CCDC7: variants seen among roughly 807,000 people sequenced by gnomAD.
CCDC7 encodes the protein coiled-coil domain-containing protein 7.
In CCDC7, 183 loss-of-function variants were observed where a neutral mutation model predicts 196.9. The ratio of observed to expected loss-of-function variants is 0.93; its 90% CI spans 0.82 to 1.05. CCDC7 has a LOEUF of 1.05. Ranked by LOEUF, CCDC7 falls within the 50% of genes least tolerant of loss-of-function variation. The probability of loss-of-function intolerance (pLI) is 0.00; values close to 1 mark genes in which losing one functional copy is unlikely to be tolerated. For synonymous variants in CCDC7, 525 were observed against 484.6 expected (o/e 1.08, Z -1.10); for missense variants, 1,540 against 1,482.2 (o/e 1.04, Z -0.64).
At chr10:32,635,062 C>T in exon 20 of CCDC7, 1 of 398,720 alleles carries the variant, frequency 2.5e-6, no homozygotes. Flanking sequence ...TTCAGAGACT[C>T]TTACAACCCC....
chr10:32,509,036 G>C (rs1386989558), intron 9 of CCDC7, among the ~76,000 whole-genome samples: 2 of 150,434 alleles, frequency 1.3e-5, no homozygotes, highest in East Asian at 3.9e-4. Context: ...CTGGGTTTGA[G>C]TGATTCTCCT....
intron 33 of CCDC7, among the ~76,000 whole-genome samples, chr10:32,842,509 T>A (rs527408637): frequency 6.6e-6 from 1 of 152,192 alleles, no homozygotes; most frequent in Non-Finnish European, 1.5e-5. Flanking sequence ...TGTAAACTAG[T>A]ACAACCACTG....
At chr10:32,563,985 G>T (rs1238234421) in intron 13 of CCDC7, among the ~76,000 whole-genome samples, 11 of 152,246 alleles carry the variant, frequency 7.2e-5, no homozygotes, top group Non-Finnish European at 1.2e-4. Context: ...CAAAAAGTGG[G>T]CCAAGGACAT....
intron 28 of CCDC7, among the ~76,000 whole-genome samples, chr10:32,762,137 A>G (rs1001395829): frequency 6.6e-6 from 1 of 151,976 alleles, no homozygotes; most frequent in South Asian, 2.1e-4. Context: ...CCTGAGGAAT[A>G]AAGGGTTTGG....
chr10:32,562,995 C>G (rs1444437328), intron 13 of CCDC7, among the ~76,000 whole-genome samples: 1 of 152,158 alleles, frequency 6.6e-6, no homozygotes, highest in Non-Finnish European at 1.5e-5. Flanking sequence ...CACAGGCATT[C>G]TTATACACCA....
intron 16 of CCDC7, among the ~76,000 whole-genome samples, chr10:32,573,038 C>T (rs537835327): frequency 4.6e-5 from 7 of 152,056 alleles, no homozygotes; most frequent in South Asian, 4.2e-4. Context: ...CCACCATGCC[C>T]GGCTAATTTT....
intron 25 of CCDC7, among the ~76,000 whole-genome samples, chr10:32,718,626 A>G (rs1361154435): frequency 6.6e-6 from 1 of 152,184 alleles, no homozygotes; most frequent in Non-Finnish European, 1.5e-5. Flanking sequence ...AGAAAACCCC[A>G]TTGTCTCAGC....
intron 41 of CCDC7, among the ~76,000 whole-genome samples, chr10:32,864,479 A>G (rs556071231): frequency 4.0e-4 from 61 of 151,718 alleles, no homozygotes; most frequent in African/African-American, 1.5e-3. Context: ...ATCAAATTCC[A>G]AAGTATATTT....
chr10:32,766,185 A>G (rs1325965688), intron 28 of CCDC7, among the ~76,000 whole-genome samples: 5 of 152,040 alleles, frequency 3.3e-5, no homozygotes, highest in African/African-American at 1.2e-4. Context: ...AGTCTAGTGG[A>G]ATGGGACGTG....
rs139339389 is a variant in CCDC7, at chr10:32,452,852, A to T, written c.280-492A>T. ...GAATTGAATTGTAAATGTACCAAAT[A>T]ACAATGAGGAAGAGCACAAATATAA... is the stretch of plus-strand genomic sequence containing the variant. On this transcript the variant is annotated intron_variant, in intron 1 of 41. Coordinates refer to ENST00000639629, the Ensembl canonical transcript of CCDC7. Among the ~76,000 whole-genome samples, 294 of 152,320 alleles carry T rather than the reference A, an allele frequency of 1.9e-3. 3 individuals are homozygous for T. The highest frequency in any genetic ancestry group is 6.8e-3 in the African/African-American group (281 of 41,568).
intron 28 of CCDC7, among the ~76,000 whole-genome samples, chr10:32,738,473 C>CTTTTTTTTTT (rs33944221): frequency 9.1e-5 from 10 of 109,666 alleles, no homozygotes; most frequent in South Asian, 3.2e-4. Flanking sequence ...GTTTCTTTCA[C>CTTTTTTTTTT]TTTTTTTTTT....
chr10:32,802,155 A>G (rs965325200), intron 29 of CCDC7, among the ~76,000 whole-genome samples: 5 of 152,176 alleles, frequency 3.3e-5, no homozygotes, highest in Non-Finnish European at 7.4e-5. Context: ...GAGGCTTAGT[A>G]TGTGCTTCTA....
chr10:32,675,428 T>A (rs1041214351), intron 21 of CCDC7, among the ~76,000 whole-genome samples: 1 of 152,150 alleles, frequency 6.6e-6, no homozygotes, highest in Non-Finnish European at 1.5e-5. Context: ...CACCCCCATT[T>A]TAGGTTATTG....
At chr10:32,560,953 A>T (rs1482858612) in intron 13 of CCDC7, among the ~76,000 whole-genome samples, 1 of 152,218 alleles carries the variant, frequency 6.6e-6, no homozygotes, top group African/African-American at 2.4e-5. Context: ...ACACAGGCTC[A>T]AAATAAAAGG....
intron 28 of CCDC7, among the ~76,000 whole-genome samples, chr10:32,775,839 T>C (rs926123696): frequency 5.3e-5 from 8 of 151,938 alleles, no homozygotes; most frequent in Non-Finnish European, 8.8e-5. Context: ...CACGTATATT[T>C]ATTGCGGCAT....
At chr10:32,689,288 G>C in intron 23 of CCDC7, 125 bp downstream of exon 24, 1 of 595,070 alleles carries the variant, frequency 1.7e-6, no homozygotes, top group South Asian at 2.3e-5. Context: ...CATAATTAAA[G>C]AAAAAAGTGA....
In CCDC7 at chr10:32,511,269, G is replaced by GT; in HGVS notation, c.873-6676_873-6675insT. 8.4e-6 allele frequency: 4 copies of GT among 474,092 alleles called. 2 individuals are homozygous for GT. The highest frequency in any genetic ancestry group is 1.4e-5 in the Non-Finnish European group (4 of 278,516). 29.4% of individuals were successfully genotyped at this position (474,092 alleles called of 1,614,324 possible). A position where few individuals can be genotyped will look rare whatever the true frequency, so the allele number is the denominator to read the frequency against. Reference sequence around the variant, plus strand: ...AATTATTCTGTGGGGGGCGGGGGGGGCGGGGAAATGTACTTTTTGAATATG... The same window carrying GT: ...AATTATTCTGTGGGGGGCGGGGGGGGTCGGGGAAATGTACTTTTTGAATATG... On this transcript the variant is annotated intron_variant, in intron 9 of 41. Coordinates refer to ENST00000639629, the Ensembl canonical transcript of CCDC7.
chr10:32,848,022 A>G (rs929806445), intron 38 of CCDC7, 106 bp downstream of exon 39: 3 of 591,304 alleles, frequency 5.1e-6, no homozygotes, highest in East Asian at 6.3e-5. Context: ...TTCATGGGCA[A>G]ATGTCTTCAT....
At chr10:32,678,973 T>TA (rs2075443710) in intron 21 of CCDC7, among the ~76,000 whole-genome samples, 1 of 152,178 alleles carries the variant, frequency 6.6e-6, no homozygotes. Flanking sequence ...TGATCTTACT[T>TA]ACATCAATCC....
Sources: gnomAD v4.1 joint callset for allele counts (sites outside exome capture counted in the v4.1 genomes callset) on GRCh38, gnomAD v4.1.1 for gene constraint, MANE v1.5 for transcripts, NCBI Gene and HGNC (gene_info 2026-07-23, HGNC 2026-07-21) for gene names.